CDH9: variants seen among roughly 807,000 people sequenced by gnomAD.
CDH9 encodes the protein cadherin-9.
Under a neutral mutation model 70.9 loss-of-function variants are expected in CDH9, and 28 were observed. That is an observed-to-expected ratio of 0.40 (90% CI 0.29 to 0.54). The LOEUF is 0.54. Ranked by LOEUF, CDH9 falls within the 20% of genes least tolerant of loss-of-function variation. The probability of loss-of-function intolerance (pLI) is 0.59; values close to 1 mark genes in which losing one functional copy is unlikely to be tolerated. For missense variants in CDH9, 874 were observed against 984.4 expected (o/e 0.89, Z 1.50); for synonymous variants, 409 against 343.1 (o/e 1.19, Z -2.12).
chr5:26,996,503 C>T (rs554746421), intron 1 of CDH9, among the ~76,000 whole-genome samples: 13 of 151,852 alleles, frequency 8.6e-5, no homozygotes, highest in African/African-American at 3.1e-4. Context: ...GGAGACAAGT[C>T]TTGACAGCTT....
rs1365509693 is a variant in CDH9, at chr5:26,988,113, A to T, written c.221T>A (p.Val74Glu). Residue 74 changes from valine (V) to glutamate (E), a missense_variant, in exon 2 of 12, where the codon GTA (valine) becomes GAA (glutamate). Transcript: ENST00000231021. ...EEYTGTDTQY[V>E]GKLHTDQDKG... is the part of the protein sequence containing the mutation. ...TCATACAAAAATTCTTACCTTGCCT[A>T]CATATTGTGTGTCAGTACCTGTGTA... 6.2e-7 allele frequency: 1 copy of T among 1,607,104 alleles called. No homozygotes were observed. The highest frequency in any genetic ancestry group is 1.3e-5 in the African/African-American group (1 of 74,922).
chr5:26,894,164 G>A (rs1386081790), intron 7 of CDH9, among the ~76,000 whole-genome samples: 2 of 152,174 alleles, frequency 1.3e-5, no homozygotes, highest in East Asian at 3.9e-4. Flanking sequence ...TCTATTGTTG[G>A]AAAGGTCAAT....
Position 27,038,507 on chromosome 5 carries a change from A to C in CDH9, c.-94T>G, listed in dbSNP as rs997431879. 12 of 152,056 alleles carry C rather than the reference A, an allele frequency of 7.9e-5. No homozygotes were observed. The highest frequency in any genetic ancestry group is 2.2e-4 in the African/African-American group (9 of 41,430). The allele number at this position is 152,056 out of a possible 1,614,324, so 9.4% of individuals were successfully genotyped here. On this transcript the variant is annotated 5_prime_UTR_variant, in exon 1 of 12. Transcript: ENST00000231021. ...GAGTTTAGCCCTACTCCGCACTGAC[A>C]GTTCCGTTGTTGCTTCTGTCTCGGT...
At chr5:26,910,838 A>G (rs766542793) in intron 3 of CDH9, among the ~76,000 whole-genome samples, 37 of 152,192 alleles carry the variant, frequency 2.4e-4, no homozygotes, top group Non-Finnish European at 4.6e-4. Context: ...TTCTTCTGCC[A>G]TAGGGCGATG....
chr5:27,037,040 G>A (rs887677421), intron 1 of CDH9, among the ~76,000 whole-genome samples: 8 of 152,080 alleles, frequency 5.3e-5, no homozygotes, highest in African/African-American at 1.9e-4. Context: ...CCTAGGCAAT[G>A]ATGTAGTGTC....
At chr5:27,003,089 G>A (rs9293259) in intron 1 of CDH9, among the ~76,000 whole-genome samples, 79,161 of 151,862 alleles carry the variant, frequency 0.52, 22,134 homozygotes, top group African/African-American at 0.69. Context: ...AAATATTTAC[G>A]TTATTCTTAT....
At chr5:27,008,072 C>G (rs76085736) in intron 1 of CDH9, among the ~76,000 whole-genome samples, 1 of 151,978 alleles carries the variant, frequency 6.6e-6, no homozygotes, top group Non-Finnish European at 1.5e-5. Flanking sequence ...TGAGGAGATA[C>G]GGATTAATAT....
intron 2 of CDH9, among the ~76,000 whole-genome samples, chr5:26,970,582 T>C (rs1302167144): frequency 6.6e-6 from 1 of 152,076 alleles, no homozygotes; most frequent in African/African-American, 2.4e-5. Flanking sequence ...AGCTGACTTG[T>C]TAACCTAAAA....
chr5:26,981,942 A>ACAT (rs140187333), intron 2 of CDH9, among the ~76,000 whole-genome samples: 4,696 of 151,890 alleles, frequency 0.031, 253 homozygotes, highest in African/African-American at 0.11. Context: ...TTTCATAATG[A>ACAT]CATCATCATC....
At chr5:26,944,579 G>A (rs1741716164) in intron 2 of CDH9, among the ~76,000 whole-genome samples, 2 of 152,094 alleles carry the variant, frequency 1.3e-5, no homozygotes, top group African/African-American at 2.4e-5. Flanking sequence ...CTTGAGCTCA[G>A]GAAGTCAAGA....
intron 7 of CDH9, among the ~76,000 whole-genome samples, chr5:26,896,276 T>G (rs1740748858): frequency 6.6e-6 from 1 of 151,944 alleles, no homozygotes. Flanking sequence ...GAAATTTTAC[T>G]TTTGAAATTA....
chr5:27,017,235 G>A (rs1003767671), intron 1 of CDH9, among the ~76,000 whole-genome samples: 1 of 151,952 alleles, frequency 6.6e-6, no homozygotes, highest in Non-Finnish European at 1.5e-5. Flanking sequence ...TAGAGGAAGA[G>A]ATTTGAGGTG....
At chr5:27,000,407 C>T (rs897534575) in intron 1 of CDH9, among the ~76,000 whole-genome samples, 4 of 152,060 alleles carry the variant, frequency 2.6e-5, no homozygotes, top group African/African-American at 9.7e-5. Context: ...TCTTTCGCTG[C>T]TGATGAGAAT....
chr5:26,988,206 T>C lies in CDH9; in HGVS notation c.128A>G (p.Asp43Gly). ...SSKKIAGLTK[D>G]DGKMLRRTKR... The stretch of plus-strand genomic sequence containing the variant: ...GGTGCGACGTAGCATTTTACCGTCA[T>C]CTTTTGTCAGACCCGCTATCTTTTT... Residue 43 changes from aspartate to glycine, a missense_variant, in exon 2 of 12, where the codon GAT becomes GGT. Transcript: ENST00000231021. The C allele has an allele frequency of 2.5e-6, 4 of 1,613,518 alleles. No individual in the cohort carries two copies. The highest frequency in any genetic ancestry group is 2.2e-5 in the East Asian group (1 of 44,838).
intron 2 of CDH9, among the ~76,000 whole-genome samples, chr5:26,922,157 G>T (rs1741256410): frequency 6.8e-6 from 1 of 147,906 alleles, no homozygotes; most frequent in South Asian, 2.3e-4. Flanking sequence ...GATGAGAGTA[G>T]AAAGTTTATT....
At chr5:26,973,977 G>A (rs569204622) in intron 2 of CDH9, among the ~76,000 whole-genome samples, 9 of 152,120 alleles carry the variant, frequency 5.9e-5, no homozygotes, top group Non-Finnish European at 1.3e-4. Context: ...GGGTGTGATG[G>A]CTCACGTCTG....
At chr5:27,035,675 CGTGTGTGT>C (rs56317555) in intron 1 of CDH9, among the ~76,000 whole-genome samples, 55,005 of 142,692 alleles carry the variant, frequency 0.39, 10,608 homozygotes, top group Non-Finnish European at 0.44. Flanking sequence ...TTGCTATTGA[CGTGTGTGT>C]GTGTGTGTGT....
At chr5:27,026,709 A>G (rs984229110) in intron 1 of CDH9, among the ~76,000 whole-genome samples, 3 of 151,944 alleles carry the variant, frequency 2.0e-5, no homozygotes, top group Non-Finnish European at 4.4e-5. Context: ...AAAAATTAGT[A>G]AATACTATAA....
In CDH9 at chr5:26,988,183, T is replaced by C; in HGVS notation, c.151A>G (p.Thr51Ala). The change falls in exon 2 of 12, where the codon ACC becomes GCC. Residue 51 changes from threonine to alanine, a missense_variant. By Grantham distance (58) the Thr-to-Ala change is moderately conservative (BLOSUM62 0). Transcript: ENST00000231021. Reference sequence around the variant, plus strand: ...TGATTCCACATCCAGCCACGCTTGGTGCGACGTAGCATTTTACCGTCATCT... The same window carrying C: ...TGATTCCACATCCAGCCACGCTTGGCGCGACGTAGCATTTTACCGTCATCT... ...TKDDGKMLRR[T>A]KRGWMWNQFF... 1 of 1,613,530 alleles carries C rather than the reference T, an allele frequency of 6.2e-7. No homozygotes were observed. The highest frequency in any genetic ancestry group is 8.5e-7 in the Non-Finnish European group (1 of 1,179,640).
Sources: allele counts gnomAD v4.1 joint callset (sites outside exome capture counted in the v4.1 genomes callset), GRCh38; gene constraint gnomAD v4.1.1; transcripts MANE v1.5; gene names NCBI Gene and HGNC (gene_info 2026-07-23, HGNC 2026-07-21).